Variants in USP31 observed in about 807,000 individuals in gnomAD.
The protein encoded by USP31 is ubiquitin specific peptidase 31, also known as ubiquitin carboxyl-terminal hydrolase 31.
A neutral mutation model predicts 119.4 loss-of-function variants in USP31; 44 were observed. The observed-to-expected ratio is 0.37, with a 90% CI of 0.29 to 0.47. USP31 has a LOEUF of 0.47. USP31 is among the 20% of genes least tolerant of loss of function. USP31 has a pLI of 0.99. For synonymous variants in USP31, 749 were observed against 705.6 expected (o/e 1.06, Z -0.97); for missense variants, 1,643 against 1,730.2 (o/e 0.95, Z 0.89).
In USP31 at chr16:23,066,226, G is replaced by C. The variant is rs1900063036; in HGVS notation, c.*1820C>G. 1.3e-5 allele frequency: 2 copies of C among 152,594 alleles called. No individual in the cohort carries two copies. The highest frequency in any genetic ancestry group is 6.5e-5 in the Admixed American group (1 of 15,286). The allele number at this position is 152,594 out of a possible 1,614,324, so 9.5% of individuals were successfully genotyped here. ...GCTCACAGTCAATGAATCACATGGAGCACTGTGGTAACTTTCACAAGGCTA... is the reference window on the plus strand; with the variant it reads ...GCTCACAGTCAATGAATCACATGGACCACTGTGGTAACTTTCACAAGGCTA... On this transcript the variant is annotated 3_prime_UTR_variant, in exon 16 of 16. Coordinates refer to ENST00000219689, the MANE Select transcript of USP31 (RefSeq NM_020718.4).
At chr16:23,080,368 G>C (rs1900764209) in intron 12 of USP31, among the ~76,000 whole-genome samples, 197 bp from the exon 13 acceptor site, 1 of 152,040 alleles carries the variant, frequency 6.6e-6, no homozygotes, top group African/African-American at 2.4e-5. Flanking sequence ...AGCTAAGGTG[G>C]AACCAGTAAG....
intron 6 of USP31, among the ~76,000 whole-genome samples, chr16:23,097,546 T>G (rs1901666436): frequency 6.6e-6 from 1 of 152,150 alleles, no homozygotes; most frequent in Non-Finnish European, 1.5e-5. Flanking sequence ...GACCAGTATC[T>G]CTGATGAACA....
intron 1 of USP31, among the ~76,000 whole-genome samples, chr16:23,112,148 G>A (rs1208546494): frequency 6.6e-6 from 1 of 152,148 alleles, no homozygotes; most frequent in Non-Finnish European, 1.5e-5. Context: ...ACCACTGGAT[G>A]CCATCTCAGA....
At chr16:23,146,899 A>G (rs956694919) in intron 1 of USP31, among the ~76,000 whole-genome samples, 6 of 151,946 alleles carry the variant, frequency 3.9e-5, no homozygotes, top group South Asian at 2.1e-4. Flanking sequence ...CCCAATAAAA[A>G]CATAACCTTA....
chr16:23,134,662 T>A (rs1339704143), intron 1 of USP31, among the ~76,000 whole-genome samples: 5 of 110,886 alleles, frequency 4.5e-5, no homozygotes, highest in Admixed American at 2.0e-4. Flanking sequence ...TAGAACACAG[T>A]AGAAACAAAG....
At chr16:23,122,468 G>C (rs77731589) in intron 1 of USP31, among the ~76,000 whole-genome samples, 1 of 152,020 alleles carries the variant, frequency 6.6e-6, no homozygotes, top group Non-Finnish European at 1.5e-5. Context: ...AAATATACCC[G>C]AGGAACAAAA....
In USP31 at chr16:23,149,221, C is replaced by T. The variant is rs1384357296; in HGVS notation, c.50G>A (p.Gly17Glu). The part of the protein sequence containing the change: ...PGSGPPAAAS[G>E]KEKRSFSKRL... ...CTTGCTGAAGGAGCGCTTCTCCTTC[C>T]CGCTCGCCGCCGCCGGCGGCCCGGA... The change falls in exon 1 of 16, where the codon GGG becomes GAG. Residue 17 changes from glycine to glutamate, a missense_variant. This residue lies in a region of USP31 where 302 missense variants were observed against 262.6 expected (regional missense o/e 1.15). Coordinates refer to ENST00000219689, the MANE Select transcript of USP31 (RefSeq NM_020718.4). 5.3e-6 allele frequency: 6 copies of T among 1,133,472 alleles called. No homozygotes were observed. In the African/African-American group the frequency reaches 8.3e-5, roughly 16 times the overall value. 70.2% of individuals were successfully genotyped at this position (1,133,472 alleles called of 1,614,324 possible). A position where few individuals can be genotyped will look rare whatever the true frequency, so the allele number is the denominator to read the frequency against.
intron 9 of USP31, among the ~76,000 whole-genome samples, chr16:23,086,330 AATC>A (rs979666859): frequency 6.1e-4 from 93 of 152,236 alleles, no homozygotes; most frequent in African/African-American, 2.1e-3. Flanking sequence ...TTGTTGAAAA[AATC>A]ATTATAATAA....
Position 23,069,389 on chromosome 16 carries a change from T to G in USP31, c.2716A>C (p.Lys906Gln). The change falls in exon 16 of 16, where the codon AAG (lysine) becomes CAG (glutamine). Residue 906 changes from lysine (K) to glutamine (Q), a missense_variant. Physicochemically the swap from Lys to Gln is moderately conservative, Grantham distance 53 (BLOSUM62 1). Around this residue, in one of 5 missense-constraint regions of USP31, gnomAD observed 699 missense variants for 650.9 expected, o/e 1.07. Coordinates refer to ENST00000219689, the MANE Select transcript of USP31 (RefSeq NM_020718.4). ...CTACCAAAGCAAGAGATGGAGACCT[T>G]GTCATCTGCTGCCTCCCCAATCTTC... ...LEKIGEAADD[K>Q]VSISCFGSLR... 6.2e-7 allele frequency: 1 copy of G among 1,611,402 alleles called. No homozygotes were observed. Among genetic ancestry groups the G allele is most frequent in the Non-Finnish European group, 8.5e-7 (1 of 1,177,830 alleles).
intron 5 of USP31, among the ~76,000 whole-genome samples, chr16:23,103,966 A>C (rs1901989646): frequency 6.6e-6 from 1 of 152,194 alleles, no homozygotes; most frequent in South Asian, 2.1e-4. Context: ...CAGAAAAACA[A>C]AAGATGGAGA....
At chr16:23,085,078 C>T in intron 10 of USP31, 89 bp from the exon 11 acceptor site, 1 of 1,485,930 alleles carries the variant, frequency 6.7e-7, no homozygotes, top group Non-Finnish European at 9.0e-7. Context: ...TGACTACAAA[C>T]TCATAACCGA....
At chr16:23,077,694 C>T (rs1031958955) in intron 13 of USP31, among the ~76,000 whole-genome samples, 1 of 152,138 alleles carries the variant, frequency 6.6e-6, no homozygotes, top group Non-Finnish European at 1.5e-5. Flanking sequence ...ATATAACACA[C>T]TGAGTGTGAA....
At chr16:23,086,274 A>G (rs1403366478) in intron 9 of USP31, among the ~76,000 whole-genome samples, 2 of 152,170 alleles carry the variant, frequency 1.3e-5, no homozygotes, top group African/African-American at 2.4e-5. Flanking sequence ...AAGCAGGACC[A>G]TATTGTATGC....
At chr16:23,105,300 A>AT in intron 5 of USP31, 141 bp downstream of exon 5, 5 of 1,116,712 alleles carry the variant, frequency 4.5e-6, no homozygotes, top group South Asian at 2.6e-5. Context: ...TGGGGCCTTG[A>AT]TTTTTTTCCC....
At chr16:23,082,629 T>C (rs1488793685) in intron 11 of USP31, 72 bp from the exon 12 acceptor site, 4 of 1,596,100 alleles carry the variant, frequency 2.5e-6, no homozygotes, top group South Asian at 2.2e-5. Context: ...ACTAATGCCT[T>C]AGCCAGGGCA....
At chr16:23,089,117 G>A (rs1431702311) in intron 7 of USP31, among the ~76,000 whole-genome samples, 1 of 152,098 alleles carries the variant, frequency 6.6e-6, no homozygotes, top group African/African-American at 2.4e-5. Flanking sequence ...AATTCCACAG[G>A]TTCTTTACTT....
intron 1 of USP31, among the ~76,000 whole-genome samples, chr16:23,126,568 A>C (rs1359805575): frequency 6.6e-6 from 1 of 151,186 alleles, no homozygotes; most frequent in Non-Finnish European, 1.5e-5. Flanking sequence ...TGGGGCTTGC[A>C]GTGAACCAAG....
chr16:23,125,083 C>A (rs1399998368), intron 1 of USP31, among the ~76,000 whole-genome samples: 1 of 152,160 alleles, frequency 6.6e-6, no homozygotes, highest in Non-Finnish European at 1.5e-5. Context: ...TCTTATGTCC[C>A]AGACCTGCTG....
At chr16:23,102,272 T>A in intron 6 of USP31, 47 bp downstream of exon 6, 1 of 1,579,254 alleles carries the variant, frequency 6.3e-7, no homozygotes, top group Non-Finnish European at 8.6e-7. Flanking sequence ...AGACTATAGT[T>A]AAACCTGCAA....
Sources: allele counts gnomAD v4.1 joint callset (sites outside exome capture counted in the v4.1 genomes callset), GRCh38; gene constraint gnomAD v4.1.1; regional missense constraint gnomAD v4.1.1; transcripts MANE v1.5; gene names NCBI Gene and HGNC (gene_info 2026-07-23, HGNC 2026-07-21).